The following QKI variants were observed in gnomAD, a reference collection of about 807,000 sequenced individuals.
QKI encodes QKI, KH domain containing RNA binding, also known as KH domain-containing RNA-binding protein QKI.
Under a neutral mutation model 39.0 loss-of-function variants are expected in QKI, and 10 were observed. The ratio of observed to expected loss-of-function variants is 0.26; its 90% CI spans 0.16 to 0.43. QKI has a LOEUF of 0.43. QKI is among the 20% of genes least tolerant of loss of function. QKI has a pLI of 1.00. For synonymous variants in QKI, 204 were observed against 155.4 expected (o/e 1.31, Z -2.33); for missense variants, 218 against 428.0 (o/e 0.51, Z 4.33).
intron 6 of QKI, chr6:163,564,901 TC>T (rs1390666432): frequency 2.9e-5 from 40 of 1,375,848 alleles, no homozygotes; most frequent in Non-Finnish European, 3.7e-5. Context: ...AGGTTTTTTT[TC>T]CCCAGCATTA....
At chr6:163,534,577 G>A (rs1184890891) in intron 3 of QKI, among the ~76,000 whole-genome samples, 1 of 152,168 alleles carries the variant, frequency 6.6e-6, no homozygotes, top group Non-Finnish European at 1.5e-5. Flanking sequence ...ATGACCTTCT[G>A]TTTACTTATA....
intron 2 of QKI, 66 bp downstream of exon 2, chr6:163,455,487 T>C: frequency 1.4e-6 from 2 of 1,431,856 alleles, no homozygotes; most frequent in East Asian, 2.4e-5. Flanking sequence ...GAGATATATT[T>C]GGTGGTAAAT....
At chr6:163,552,161 A>G (rs1395400129) in intron 4 of QKI, among the ~76,000 whole-genome samples, 1 of 146,630 alleles carries the variant, frequency 6.8e-6, no homozygotes, top group Non-Finnish European at 1.5e-5. Context: ...GATAAAATAT[A>G]TTTGCTATTG....
At chr6:163,567,148 G>T in intron 7 of QKI, 1 of 1,015,938 alleles carries the variant, frequency 9.8e-7, no homozygotes, top group Non-Finnish European at 1.2e-6. Flanking sequence ...TGAAATTTGG[G>T]GTTGGTATTG....
intron 1 of QKI, among the ~76,000 whole-genome samples, chr6:163,441,398 A>C (rs983984692): frequency 1.3e-5 from 2 of 152,124 alleles, no homozygotes; most frequent in Non-Finnish European, 2.9e-5. Flanking sequence ...TACAAGAAAT[A>C]TTTTTGGAGC....
intron 3 of QKI, among the ~76,000 whole-genome samples, chr6:163,492,777 A>C (rs920303840): frequency 7.2e-5 from 11 of 152,178 alleles, no homozygotes; most frequent in Non-Finnish European, 1.5e-4. Flanking sequence ...TAGACAAGTG[A>C]GTAAACGGAT....
intron 1 of QKI, among the ~76,000 whole-genome samples, chr6:163,420,288 T>G (rs1787897403): frequency 6.6e-6 from 1 of 152,064 alleles, no homozygotes; most frequent in Admixed American, 6.5e-5. Context: ...TACAGTTTAA[T>G]TTACTTGAGA....
chr6:163,456,311 T>C (rs940159995), intron 2 of QKI, among the ~76,000 whole-genome samples: 6 of 152,170 alleles, frequency 3.9e-5, no homozygotes, highest in Non-Finnish European at 5.9e-5. Flanking sequence ...TCTCTCTCTC[T>C]GTCTCCCCTG....
chr6:163,533,116 T>C (rs1360232499), intron 3 of QKI, among the ~76,000 whole-genome samples: 1 of 151,840 alleles, frequency 6.6e-6, no homozygotes, highest in Non-Finnish European at 1.5e-5. Flanking sequence ...ACCAGACTAG[T>C]AGCTTTTGTA....
At chr6:163,475,777 A>G (rs1217666906) in intron 2 of QKI, among the ~76,000 whole-genome samples, 3 of 152,218 alleles carry the variant, frequency 2.0e-5, no homozygotes, top group African/African-American at 4.8e-5. Context: ...TAAAGCTTCT[A>G]GAAGATAACA....
chr6:163,528,557 G>A (rs1562515894), intron 3 of QKI, among the ~76,000 whole-genome samples: 2 of 152,080 alleles, frequency 1.3e-5, no homozygotes, highest in Non-Finnish European at 2.9e-5. Flanking sequence ...ATGAGGTGAT[G>A]TATTTATATT....
At chr6:163,530,049 GTTC>G (rs993620767) in intron 3 of QKI, among the ~76,000 whole-genome samples, 17 of 152,174 alleles carry the variant, frequency 1.1e-4, no homozygotes, top group African/African-American at 3.1e-4. Context: ...GCAAAACTGT[GTTC>G]TTCTATGTTG....
At position 163,478,815 on chromosome 6, in the gene QKI, A is replaced by G; in HGVS notation, c.321A>G (p.Gly107=). ...TTGGGAGAATCCTTGGACCTAGAGG[A>G]CTTACAGCCAAACAACTTGAAGCAG... ...NFVGRILGPR[G]LTAKQLEAET... is the part of the protein sequence containing the mutation. Residue 107 remains glycine, a synonymous_variant, in exon 3 of 8, where the codon GGA becomes GGG. Coordinates refer to ENST00000361752, the MANE Select transcript of QKI (RefSeq NM_006775.3). 6.2e-7 allele frequency: 1 copy of G among 1,612,228 alleles called. No individual in the cohort carries two copies. Among genetic ancestry groups the G allele is most frequent in the South Asian group, 1.1e-5 (1 of 90,974 alleles).
At chr6:163,479,592 G>A (rs540008994) in intron 3 of QKI, among the ~76,000 whole-genome samples, 3 of 152,150 alleles carry the variant, frequency 2.0e-5, no homozygotes, top group African/African-American at 4.8e-5. Flanking sequence ...GTCTGGTCTC[G>A]AACTCCTGAC....
chr6:163,437,480 T>C (rs538401307), intron 1 of QKI, among the ~76,000 whole-genome samples: 74 of 152,318 alleles, frequency 4.9e-4, no homozygotes, highest in African/African-American at 1.7e-3. Flanking sequence ...TTTTTCTTGT[T>C]ATGTGCTTAA....
intron 3 of QKI, among the ~76,000 whole-genome samples, chr6:163,503,137 A>ATTTTTTTTTTTTTTTTTTT (rs57383986): frequency 1.0e-5 from 1 of 100,034 alleles, no homozygotes; most frequent in Non-Finnish European, 2.0e-5. Context: ...GGCCCCTTGT[A>ATTTTTTTTTTTTTTTTTTT]TTTTTTTTTT....
chr6:163,517,353 T>C (rs1779894185), intron 3 of QKI, among the ~76,000 whole-genome samples: 2 of 152,202 alleles, frequency 1.3e-5, no homozygotes. Context: ...TTCAACTGAT[T>C]ACTTTTCTTA....
chr6:163,451,432 C>CA (rs1790551292), intron 1 of QKI, among the ~76,000 whole-genome samples: 2 of 152,076 alleles, frequency 1.3e-5, no homozygotes, highest in Non-Finnish European at 2.9e-5. Context: ...AAAACCATGT[C>CA]ATTGGTTTAG....
intron 1 of QKI, among the ~76,000 whole-genome samples, chr6:163,454,003 C>T (rs1790756979): frequency 6.6e-6 from 1 of 151,896 alleles, no homozygotes; most frequent in Admixed American, 6.6e-5. Flanking sequence ...TTTGATAGTT[C>T]CTAAGGAACT....
Sources: allele counts gnomAD v4.1 joint callset (sites outside exome capture counted in the v4.1 genomes callset), GRCh38; gene constraint gnomAD v4.1.1; transcripts MANE v1.5; gene names NCBI Gene and HGNC (gene_info 2026-07-23, HGNC 2026-07-21).